Variants in FNBP4 observed in about 807,000 individuals in gnomAD.
The protein encoded by FNBP4 is formin-binding protein 4.
A neutral mutation model predicts 119.3 loss-of-function variants in FNBP4; 34 were observed. The ratio of observed to expected loss-of-function variants is 0.28; its 90% CI spans 0.22 to 0.38. The LOEUF (loss-of-function observed/expected upper bound fraction) is 0.38. Ranked by LOEUF, FNBP4 falls within the 10% of genes least tolerant of loss-of-function variation. The pLI is 1.00. For synonymous variants in FNBP4, 462 were observed against 430.6 expected, an observed-to-expected ratio of 1.07 and a Z score of -0.90; for missense variants, 1,112 against 1,228.9, an observed-to-expected ratio of 0.90 and a Z score of 1.42.
intron 1 of FNBP4, among the ~76,000 whole-genome samples, chr11:47,766,366 T>C (rs1445296592): frequency 1.3e-5 from 2 of 152,178 alleles, no homozygotes; most frequent in Non-Finnish European, 2.9e-5. Flanking sequence ...TACTTACAAA[T>C]ACATACAAAA....
chr11:47,754,486 G>C, intron 3 of FNBP4, 42 bp downstream of exon 3: 1 of 1,601,600 alleles, frequency 6.2e-7, no homozygotes. Context: ...AGGTCCCAAA[G>C]TAGCTTCAGT....
At chr11:47,747,041 GA>G (rs929179049) in intron 6 of FNBP4, among the ~76,000 whole-genome samples, 37 of 151,828 alleles carry the variant, frequency 2.4e-4, no homozygotes, top group African/African-American at 8.5e-4. Flanking sequence ...TGTATGATGA[GA>G]AATTTTTTTT....
chr11:47,747,937 G>A (rs956408081), intron 6 of FNBP4, among the ~76,000 whole-genome samples: 4 of 150,438 alleles, frequency 2.7e-5, no homozygotes, highest in African/African-American at 9.8e-5. Flanking sequence ...GACAGTGTGA[G>A]AGACTGTCTC....
intron 16 of FNBP4, among the ~76,000 whole-genome samples, chr11:47,718,905 G>GTTTTTTTTTTTT (rs35422529): frequency 6.1e-5 from 8 of 130,358 alleles, no homozygotes; most frequent in Non-Finnish European, 9.8e-5. Context: ...CACCCAACAT[G>GTTTTTTTTTTTT]TTTTTTTTTT....
At chr11:47,729,824 A>G (rs2097565418) in intron 12 of FNBP4, 1 of 985,310 alleles carries the variant, frequency 1.0e-6, no homozygotes, top group Non-Finnish European at 1.2e-6. Context: ...TTGCTCTTAA[A>G]TCTCACAGAA....
At position 47,736,730 on chromosome 11, in the gene FNBP4, A is replaced by G. The variant is rs1351101201; in HGVS notation, c.1467T>C (p.Ala489=). ...TPENGETAIG[A]ENSEKIDENS... ...TCTCATCTATTTTTTCTGAATTTTC[A>G]GCACCAATTGCTGTAAAAAAAACAT... Residue 489 remains alanine, a synonymous_variant, in exon 9 of 17, where the codon GCT becomes GCC. Coordinates refer to ENST00000263773, the MANE Select transcript of FNBP4 (RefSeq NM_015308.5). 8 of 1,598,706 alleles carry G rather than the reference A, an allele frequency of 5.0e-6. No individual in the cohort carries two copies. Among genetic ancestry groups the G allele is most frequent in the Admixed American group, 3.4e-5 (2 of 59,056 alleles).
Position 47,733,989 on chromosome 11 carries a change from A to G in FNBP4, c.1686+36T>C, listed in dbSNP as rs1352437096. On this transcript the variant is annotated intron_variant, in intron 10 of 16. Transcript: ENST00000263773. ...ATACAGCATTTCATTCAAACACTTA[A>G]CTGTTTATGCCAAAAAAAAAAAAAA... The G allele has an allele frequency of 2.8e-6, 3 of 1,087,794 alleles. No homozygotes were observed. The African/African-American group carries it at 5.3e-5, about 19-fold the overall frequency. 67.4% of individuals were successfully genotyped at this position (1,087,794 alleles called of 1,614,324 possible).
At chr11:47,719,897 C>A in intron 16 of FNBP4, 32 bp downstream of exon 16, 1 of 1,611,228 alleles carries the variant, frequency 6.2e-7, no homozygotes, top group South Asian at 1.1e-5. Context: ...TACTCCAAAA[C>A]CCCATCTCAT....
chr11:47,732,265 GC>G lies in FNBP4; in HGVS notation c.1820+271del. 2 of 1,268,892 alleles carry G rather than the reference GC, an allele frequency of 1.6e-6. No homozygotes were observed. The highest frequency in any genetic ancestry group is 2.0e-6 in the Non-Finnish European group (2 of 1,001,368). 78.6% of individuals were successfully genotyped at this position (1,268,892 alleles called of 1,614,324 possible). A position where few individuals can be genotyped will look rare whatever the true frequency, so the allele number is the denominator to read the frequency against. On this transcript the variant is annotated intron_variant, in intron 11 of 16. Coordinates refer to ENST00000263773, the MANE Select transcript of FNBP4 (RefSeq NM_015308.5). This position sits in a 1 kb window ranked among gnomAD's most constrained non-coding sequence, Gnocchi z 4.2. ...TCGCATGCGCTTAACCCCCAAGCCCGCCCTACTCCGTGCAACACTCTGGAGA... is the reference window on the plus strand; with the variant it reads ...TCGCATGCGCTTAACCCCCAAGCCCGCCTACTCCGTGCAACACTCTGGAGA...
Position 47,754,638 on chromosome 11 carries a change from C to T in FNBP4, c.340G>A (p.Ala114Thr), listed in dbSNP as rs2097612375. ...TGGLCLLGAY[A>T]DSDDDDNDVS... ...TCATTGTCATCGTCATCACTGTCAGCATAAGCACCAAGCAAGCATAGACCG... is the reference window on the plus strand; with the variant it reads ...TCATTGTCATCGTCATCACTGTCAGTATAAGCACCAAGCAAGCATAGACCG... Residue 114 changes from alanine to threonine, a missense_variant, in exon 3 of 17, where the codon GCT (alanine) becomes ACT (threonine). By Grantham distance (58) the Ala-to-Thr change is moderately conservative. Transcript: ENST00000263773. The T allele has an allele frequency of 6.2e-7, 1 of 1,614,082 alleles. No individual in the cohort carries two copies. Among genetic ancestry groups the T allele is most frequent in the Non-Finnish European group, 8.5e-7 (1 of 1,180,000 alleles).
chr11:47,718,541 A>G (rs1182193744), intron 16 of FNBP4, among the ~76,000 whole-genome samples: 1 of 152,148 alleles, frequency 6.6e-6, no homozygotes, highest in Non-Finnish European at 1.5e-5. Context: ...TTCTCTTTCA[A>G]GTAGTTTTAT....
chr11:47,732,089 A>C lies in FNBP4; in HGVS notation c.1820+448T>G. On this transcript the variant is annotated intron_variant, in intron 11 of 16. Transcript: ENST00000263773. The surrounding 1 kb of genome is among the most constrained non-coding windows in gnomAD (Gnocchi z 4.2). The stretch of plus-strand genomic sequence containing the variant: ...ACGAAAAAAAAATCAAGAAAAGCCA[A>C]ATATATAAAGAAATGTTTTCATCTG... 1.0e-6 allele frequency: 1 copy of C among 994,146 alleles called. No individual in the cohort carries two copies. Among genetic ancestry groups the C allele is most frequent in the Non-Finnish European group, 1.2e-6 (1 of 835,868 alleles). The allele number at this position is 994,146 out of a possible 1,614,324, so 61.6% of individuals were successfully genotyped here. A position where few individuals can be genotyped will look rare whatever the true frequency, so the allele number is the denominator to read the frequency against.
chr11:47,743,317 T>A (rs2097584908), intron 8 of FNBP4, among the ~76,000 whole-genome samples: 1 of 152,010 alleles, frequency 6.6e-6, no homozygotes. Context: ...ACTCCGTCTC[T>A]ACTAAAAATA....
chr11:47,763,701 C>T (rs1012021244), intron 2 of FNBP4, among the ~76,000 whole-genome samples: 4 of 152,006 alleles, frequency 2.6e-5, no homozygotes, highest in East Asian at 3.9e-4. Flanking sequence ...GGGGTTTCAC[C>T]GTGTTAGCCA....
At chr11:47,758,898 C>T (rs568601050) in intron 2 of FNBP4, among the ~76,000 whole-genome samples, 5 of 150,414 alleles carry the variant, frequency 3.3e-5, no homozygotes, top group East Asian at 3.9e-4. Context: ...TTTGCAAGGA[C>T]GTTTCTTAGA....
Position 47,717,157 on chromosome 11 carries a change from A to C in FNBP4, c.*265T>G, listed in dbSNP as rs1397513146. ...AGCCACATGTTCTTCAAGACTGATG[A>C]GGTTAATACACCTAACATGCTAAGT... On this transcript the variant is annotated 3_prime_UTR_variant, in exon 17 of 17. Coordinates refer to ENST00000263773, the MANE Select transcript of FNBP4 (RefSeq NM_015308.5). 1.2e-5 allele frequency: 4 copies of C among 347,168 alleles called. No individual in the cohort carries two copies. Among genetic ancestry groups the C allele is most frequent in the Non-Finnish European group, 2.1e-5 (4 of 190,526 alleles). The allele number at this position is 347,168 out of a possible 1,614,324, so 21.5% of individuals were successfully genotyped here.
At chr11:47,717,920 T>A (rs1453765646) in intron 16 of FNBP4, among the ~76,000 whole-genome samples, 1 of 142,312 alleles carries the variant, frequency 7.0e-6, no homozygotes, top group Non-Finnish European at 1.5e-5. Context: ...GCCTGGCTAA[T>A]TTTTTTTTTT....
chr11:47,738,847 A>ATTTTTTT lies in FNBP4; in HGVS notation c.1457-2114_1457-2108dup, dbSNP rs71045510. The stretch of plus-strand genomic sequence containing the variant: ...AGGTGTTTGCCACCATGCCCAGGTA[A>ATTTTTTT]TTTTTTTTTTTTTTTTTTTTTTTTT... On this transcript the variant is annotated intron_variant, in intron 8 of 16. Coordinates refer to ENST00000263773, the MANE Select transcript of FNBP4 (RefSeq NM_015308.5). 1.4e-3 allele frequency among the ~76,000 whole-genome samples: 150 copies of ATTTTTTT among 110,952 alleles called. 15 individuals are homozygous for ATTTTTTT. The highest frequency in any genetic ancestry group is 4.4e-3 in the South Asian group (13 of 2,986). The allele number at this position is 110,952 out of a possible 152,430, so 72.8% of individuals were successfully genotyped here.
At position 47,751,050 on chromosome 11, in the gene FNBP4, T is replaced by C. The variant is rs188527260; in HGVS notation, c.786-14A>G. The C allele has an allele frequency of 4.5e-4, 718 of 1,612,818 alleles. 4 individuals are homozygous for C. Among genetic ancestry groups the C allele is most frequent in the South Asian group, 9.8e-4 (89 of 90,894 alleles). On this transcript the variant is annotated splice_polypyrimidine_tract_variant and intron_variant, in intron 5 of 16. Coordinates refer to ENST00000263773, the MANE Select transcript of FNBP4 (RefSeq NM_015308.5). ...CCTGGCACAGAACTAAAAAAATATA[T>C]ACTTAGCAAGAGAAATATAAGACAA... is the stretch of plus-strand genomic sequence containing the variant.
Sources: allele counts gnomAD v4.1 joint callset (sites outside exome capture counted in the v4.1 genomes callset), GRCh38; gene constraint gnomAD v4.1.1; non-coding constraint Gnocchi (gnomAD v3.1); transcripts MANE v1.5; gene names NCBI Gene and HGNC (gene_info 2026-07-23, HGNC 2026-07-21).